CATSPERB: variants seen among roughly 807,000 people sequenced by gnomAD.
The protein encoded by CATSPERB is cation channel sperm-associated auxiliary subunit beta.
A neutral mutation model predicts 128.3 loss-of-function variants in CATSPERB; 93 were observed. That is an observed-to-expected ratio of 0.72 (90% CI 0.61 to 0.86). The LOEUF (loss-of-function observed/expected upper bound fraction) is 0.86. CATSPERB is among the 40% of genes least tolerant of loss of function. The probability of loss-of-function intolerance (pLI) is 0.00; values close to 1 mark genes in which losing one functional copy is unlikely to be tolerated. For missense variants in CATSPERB, 1,153 were observed against 1,329.5 expected (o/e 0.87, Z 2.06); for synonymous variants, 381 against 448.8 (o/e 0.85, Z 1.91).
intron 22 of CATSPERB, among the ~76,000 whole-genome samples, chr14:91,592,731 G>C (rs1005649703): frequency 5.9e-5 from 9 of 152,196 alleles, no homozygotes; most frequent in Admixed American, 5.9e-4. Flanking sequence ...CAATAGAAAA[G>C]AAAAACCCAT....
At chr14:91,721,408 T>C (rs79688978) in intron 4 of CATSPERB, among the ~76,000 whole-genome samples, 62 of 152,312 alleles carry the variant, frequency 4.1e-4, no homozygotes, top group African/African-American at 1.4e-3. Flanking sequence ...AATGGGCATA[T>C]AATTTGAATA....
chr14:91,607,895 G>A (rs764675136), intron 22 of CATSPERB, among the ~76,000 whole-genome samples: 5 of 152,080 alleles, frequency 3.3e-5, no homozygotes, highest in African/African-American at 4.8e-5. Context: ...GCTGCTGGGA[G>A]TTGGTTATTT....
chr14:91,611,254 G>T (rs1391648395), intron 20 of CATSPERB, among the ~76,000 whole-genome samples: 1 of 152,158 alleles, frequency 6.6e-6, no homozygotes, highest in Admixed American at 6.5e-5. Flanking sequence ...TTCTTTTCCA[G>T]GAAGAAATAT....
chr14:91,660,481 T>G (rs553035861), intron 14 of CATSPERB, among the ~76,000 whole-genome samples: 1 of 152,306 alleles, frequency 6.6e-6, no homozygotes, highest in Admixed American at 6.5e-5. Flanking sequence ...TCAAATCACT[T>G]ATCTCACTGT....
At chr14:91,636,872 G>C (rs1894385200) in intron 16 of CATSPERB, among the ~76,000 whole-genome samples, 2 of 152,154 alleles carry the variant, frequency 1.3e-5, no homozygotes, top group South Asian at 4.1e-4. Flanking sequence ...TCACATTGTG[G>C]GTGTGTGAGG....
chr14:91,630,431 C>T (rs1894254416), intron 17 of CATSPERB, among the ~76,000 whole-genome samples: 1 of 152,214 alleles, frequency 6.6e-6, no homozygotes, highest in East Asian at 1.9e-4. Context: ...TAACTGCCAA[C>T]TTCACATCTT....
At chr14:91,705,114 G>A (rs1162350650) in intron 6 of CATSPERB, among the ~76,000 whole-genome samples, 1 of 152,124 alleles carries the variant, frequency 6.6e-6, no homozygotes, top group Non-Finnish European at 1.5e-5. Context: ...ATATAAAAAT[G>A]GGAATAAATC....
At chr14:91,664,307 C>T (rs551823835) in intron 14 of CATSPERB, among the ~76,000 whole-genome samples, 19 of 138,938 alleles carry the variant, frequency 1.4e-4, no homozygotes, top group Admixed American at 6.1e-4. Context: ...ACTCAATCAC[C>T]CAGGCTGGAG....
rs149906737 is a variant in CATSPERB at position 91,668,664 on chromosome 14, T to C, written c.1287+1150A>G. ...TATCTTTATGAGCTGTAACACTCACTGTGAGGGTCTGCGGCTTCATTCCTG... is the reference window on the plus strand; with the variant it reads ...TATCTTTATGAGCTGTAACACTCACCGTGAGGGTCTGCGGCTTCATTCCTG... On this transcript the variant is annotated intron_variant, in intron 14 of 26. Coordinates refer to ENST00000256343, the MANE Select transcript of CATSPERB (RefSeq NM_024764.4). Among the ~76,000 whole-genome samples the C allele has an allele frequency of 9.0e-3, 1,364 of 152,316 alleles. 16 individuals are homozygous for C. Among genetic ancestry groups the C allele is most frequent in the Middle Eastern group, 0.044 (13 of 294 alleles).
chr14:91,598,001 T>A lies in CATSPERB; in HGVS notation c.2710-5999A>T, dbSNP rs184722966. Among the ~76,000 whole-genome samples, 1,012 of 151,602 alleles carry A rather than the reference T, an allele frequency of 6.7e-3. 11 individuals carry two copies. The highest frequency in any genetic ancestry group is 0.022 in the African/African-American group (909 of 41,426). On this transcript the variant is annotated intron_variant, in intron 22 of 26. Coordinates refer to ENST00000256343, the MANE Select transcript of CATSPERB (RefSeq NM_024764.4). ...ATATAAAAGTTTTTGTTTTTTTTTT[T>A]AAATATATAAATCCTCTTATTGTGA...
intron 17 of CATSPERB, among the ~76,000 whole-genome samples, chr14:91,629,667 A>C (rs1445264211): frequency 2.0e-5 from 3 of 152,160 alleles, no homozygotes; most frequent in African/African-American, 7.2e-5. Context: ...TTTGCTGTAA[A>C]ACTGTAATTA....
chr14:91,726,716 G>T (rs970140678), intron 2 of CATSPERB, among the ~76,000 whole-genome samples: 4 of 152,184 alleles, frequency 2.6e-5, no homozygotes, highest in African/African-American at 9.7e-5. Flanking sequence ...TGTGAGGGAG[G>T]GGAAGGGGCT....
rs542982969 is a variant in CATSPERB at position 91,584,597 on chromosome 14, A to G, written c.3132+2605T>C. 6.6e-5 allele frequency among the ~76,000 whole-genome samples: 10 copies of G among 152,264 alleles called. No homozygotes were observed. In the East Asian group the frequency reaches 1.5e-3, roughly 23 times the overall value. On this transcript the variant is annotated intron_variant, in intron 26 of 26. Transcript: ENST00000256343. ...TTTTCAAAAGAGAAGTTCTCCTGAC[A>G]ATGGATTCTCTTAGTTTTCTCTCAT... is the stretch of plus-strand genomic sequence containing the variant.
chr14:91,644,540 CCA>C (rs1774688834), intron 15 of CATSPERB, among the ~76,000 whole-genome samples: 1 of 112,508 alleles, frequency 8.9e-6, no homozygotes, highest in Non-Finnish European at 1.8e-5. Flanking sequence ...ATATTGGCCC[CCA>C]CTCTCTTCTG....
intron 22 of CATSPERB, among the ~76,000 whole-genome samples, chr14:91,602,699 A>G (rs933745182): frequency 1.1e-4 from 17 of 152,210 alleles, no homozygotes; most frequent in Non-Finnish European, 2.5e-4. Flanking sequence ...AAAATATAAA[A>G]CAAATCTGTC....
intron 11 of CATSPERB, among the ~76,000 whole-genome samples, chr14:91,677,840 G>A (rs1895216778): frequency 2.0e-5 from 3 of 152,122 alleles, no homozygotes; most frequent in Admixed American, 2.0e-4. Context: ...ACCCATCAAT[G>A]GTAGACGGGA....
At chr14:91,657,499 C>G (rs1457098600) in intron 15 of CATSPERB, among the ~76,000 whole-genome samples, 3 of 151,926 alleles carry the variant, frequency 2.0e-5, no homozygotes, top group Non-Finnish European at 4.4e-5. Context: ...CACAGGGAAC[C>G]AAAGCAAAAA....
intron 18 of CATSPERB, among the ~76,000 whole-genome samples, chr14:91,622,432 A>C (rs989492537): frequency 3.3e-5 from 5 of 152,204 alleles, no homozygotes; most frequent in African/African-American, 1.2e-4. Context: ...GACCTTAAGG[A>C]ACATCATCAT....
rs1894846747 is a variant in CATSPERB, at chr14:91,659,939, C to T, written c.1330G>A (p.Ala444Thr). 2 of 1,601,452 alleles carry T rather than the reference C, an allele frequency of 1.2e-6. No individual in the cohort carries two copies. The highest frequency in any genetic ancestry group is 2.3e-5 in the East Asian group (1 of 44,202). Residue 444 changes from alanine (A) to threonine (T), a missense_variant, in exon 15 of 27, where the codon GCT becomes ACT. Transcript: ENST00000256343. ...VDGGNTFQLI[A>T]NFHDDIIKKT... Reference sequence around the variant, plus strand: ...TTTATGATATCATCATGAAAGTTAGCTATTAATTGAAAGGTGTTGCCGCCA... The same window carrying T: ...TTTATGATATCATCATGAAAGTTAGTTATTAATTGAAAGGTGTTGCCGCCA...
Sources: gnomAD v4.1 joint callset for allele counts (sites outside exome capture counted in the v4.1 genomes callset) on GRCh38, gnomAD v4.1.1 for gene constraint, MANE v1.5 for transcripts, NCBI Gene and HGNC (gene_info 2026-07-23, HGNC 2026-07-21) for gene names.